Variants in FRMPD4 observed in about 807,000 individuals in gnomAD.
FRMPD4 encodes the protein FERM and PDZ domain-containing protein 4.
Under a neutral mutation model 94.1 loss-of-function variants are expected in FRMPD4, and 22 were observed. That is an observed-to-expected ratio of 0.23 (90% CI 0.17 to 0.33). FRMPD4 has a LOEUF of 0.33. Ranked by LOEUF, FRMPD4 falls within the 10% of genes least tolerant of loss-of-function variation. The pLI, the probability that FRMPD4 is intolerant of heterozygous loss-of-function variation, is 1.00. For synonymous variants in FRMPD4, 631 were observed against 548.6 expected (o/e 1.15, Z -2.10); for missense variants, 1,111 against 1,339.9 (o/e 0.83, Z 2.67).
intron 1 of FRMPD4, among the ~76,000 whole-genome samples, chrX:12,451,952 T>G (rs919387088): frequency 2.7e-5 from 3 of 111,067 alleles, no homozygotes; most frequent in Non-Finnish European, 3.8e-5. Flanking sequence ...CCCGCTACCT[T>G]TCTACTATTC....
At chrX:11,935,249 G>T (rs866635468) in intron 3 of FRMPD4, among the ~76,000 whole-genome samples, 128 of 5,215 alleles carry the variant, frequency 0.025, no homozygotes, top group African/African-American at 0.061. Flanking sequence ...TTGTTTTGTT[G>T]TTTTTTTTTT....
At chrX:12,322,489 T>G (rs2147926107) in intron 1 of FRMPD4, among the ~76,000 whole-genome samples, 1 of 110,151 alleles carries the variant, frequency 9.1e-6, no homozygotes, top group South Asian at 3.9e-4. Context: ...GCTTGGTGTG[T>G]TCAAGGGATG....
chrX:12,476,597 T>A (rs1465858356), intron 1 of FRMPD4, among the ~76,000 whole-genome samples: 7 of 111,268 alleles, frequency 6.3e-5, no homozygotes, highest in Admixed American at 3.8e-4. Context: ...GAATCTACAA[T>A]GAACTCAAAC....
chrX:12,573,012 T>C (rs2058774563), intron 2 of FRMPD4, among the ~76,000 whole-genome samples: 1 of 112,683 alleles, frequency 8.9e-6, no homozygotes, highest in South Asian at 3.6e-4. Context: ...CCTTTATAGA[T>C]GTAATTTTTT....
chrX:12,091,508 A>T (rs1320584876), intron 3 of FRMPD4, among the ~76,000 whole-genome samples: 2 of 112,467 alleles, frequency 1.8e-5, no homozygotes, highest in Non-Finnish European at 3.8e-5. Context: ...CCTATTGGCC[A>T]TGGTTTTCCT....
intron 1 of FRMPD4, among the ~76,000 whole-genome samples, chrX:12,228,003 C>G (rs2056943044): frequency 8.9e-6 from 1 of 111,886 alleles, no homozygotes; most frequent in African/African-American, 3.2e-5. Context: ...TCATCTATGT[C>G]TATAAATTTT....
intron 2 of FRMPD4, among the ~76,000 whole-genome samples, chrX:12,517,846 TC>T (rs1381208173): frequency 8.9e-6 from 1 of 112,781 alleles, no homozygotes; most frequent in Non-Finnish European, 1.9e-5. Context: ...TGGCCTCCCC[TC>T]CCCCAAGGGG....
intron 1 of FRMPD4, among the ~76,000 whole-genome samples, chrX:12,472,346 A>G (rs887896006): frequency 3.6e-5 from 4 of 112,165 alleles, no homozygotes; most frequent in Non-Finnish European, 5.6e-5. Flanking sequence ...CAAAATTCTT[A>G]AGGCAATCAT....
intron 1 of FRMPD4, among the ~76,000 whole-genome samples, chrX:12,440,919 ATTC>A (rs972645718): frequency 6.2e-5 from 7 of 112,104 alleles, no homozygotes; most frequent in Non-Finnish European, 1.3e-4. Context: ...AAATGTCATA[ATTC>A]TTCTGATAGT....
At chrX:12,636,604 A>T (rs2059445274) in intron 4 of FRMPD4, among the ~76,000 whole-genome samples, 1 of 112,566 alleles carries the variant, frequency 8.9e-6, no homozygotes, top group South Asian at 3.7e-4. Flanking sequence ...TAACGTTATA[A>T]AGAAAAACTA....
chrX:12,191,558 A>C (rs12010484), intron 1 of FRMPD4, among the ~76,000 whole-genome samples: 17,874 of 111,557 alleles, frequency 0.16, 1,833 homozygotes, highest in African/African-American at 0.37. Flanking sequence ...TATTATTCAG[A>C]GCTAAAAGGA....
intron 13 of FRMPD4, among the ~76,000 whole-genome samples, chrX:12,709,434 CTTT>C (rs747298521): frequency 1.8e-5 from 2 of 111,719 alleles, no homozygotes; most frequent in African/African-American, 6.5e-5. Flanking sequence ...TCATCCAACA[CTTT>C]TTTTTCCCTA....
chrX:12,714,703 A>C (rs1305939848), intron 14 of FRMPD4, among the ~76,000 whole-genome samples: 1 of 111,496 alleles, frequency 9.0e-6, no homozygotes, highest in Non-Finnish European at 1.9e-5. Context: ...AACCCGCGTT[A>C]CAATGCAACT....
In FRMPD4 at chrX:12,157,523, C is replaced by G. The variant is rs1403332780; in HGVS notation, c.41+18511C>G. ...GGCTTTGTTCCTCTATGGTGACAAG[C>G]CTTTAGGAATGTAAGTCCAGAGCTC... On this transcript the variant is annotated intron_variant, in intron 1 of 16. Coordinates refer to ENST00000675598, the MANE Select transcript of FRMPD4 (RefSeq NM_001368397.1). Among the ~76,000 whole-genome samples, 4 of 111,054 alleles carry G rather than the reference C, an allele frequency of 3.6e-5. No individual in the cohort carries two copies. In the East Asian group the frequency reaches 1.1e-3, roughly 31 times the overall value.
intron 3 of FRMPD4, among the ~76,000 whole-genome samples, chrX:11,918,293 A>T (rs1455046181): frequency 8.8e-6 from 1 of 113,117 alleles, no homozygotes; most frequent in Non-Finnish European, 1.9e-5. Context: ...GATTCATTTG[A>T]TATATCTCTG....
intron 3 of FRMPD4, among the ~76,000 whole-genome samples, chrX:11,956,833 A>G (rs1042388176): frequency 1.8e-5 from 2 of 112,089 alleles, no homozygotes; most frequent in Admixed American, 9.5e-5. Context: ...ATGTTCCAGG[A>G]TCTGGTCCGC....
At chrX:12,447,198 G>T (rs2057207717) in intron 1 of FRMPD4, among the ~76,000 whole-genome samples, 1 of 111,735 alleles carries the variant, frequency 8.9e-6, no homozygotes, top group Non-Finnish European at 1.9e-5. Flanking sequence ...GACCAAGGCA[G>T]AATTTCTCAA....
chrX:11,883,003 A>G (rs1405426309), intron 3 of FRMPD4, among the ~76,000 whole-genome samples: 1 of 111,661 alleles, frequency 9.0e-6, no homozygotes, highest in African/African-American at 3.3e-5. Flanking sequence ...ATCCATTATT[A>G]AATTCATTCA....
chrX:12,039,197 T>C (rs1056532547), intron 3 of FRMPD4, among the ~76,000 whole-genome samples: 2 of 108,166 alleles, frequency 1.8e-5, no homozygotes, highest in Admixed American at 2.0e-4. Context: ...TATTTTTGCA[T>C]TTAATTTATT....
Sources: allele counts gnomAD v4.1 joint callset (sites outside exome capture counted in the v4.1 genomes callset), GRCh38; gene constraint gnomAD v4.1.1; transcripts MANE v1.5; gene names NCBI Gene and HGNC (gene_info 2026-07-23, HGNC 2026-07-21).